The following PTPRN2 variants were observed in gnomAD, a reference collection of about 807,000 sequenced individuals.
PTPRN2 encodes receptor-type tyrosine-protein phosphatase N2.
In PTPRN2, 74 loss-of-function variants were observed where a neutral mutation model predicts 118.8. That is an observed-to-expected ratio of 0.62 (90% CI 0.52 to 0.76). The LOEUF is 0.76. PTPRN2 is among the 30% of genes least tolerant of loss of function. PTPRN2 has a pLI of 0.00. For synonymous variants in PTPRN2, 641 were observed against 608.0 expected (o/e 1.05, Z -0.80); for missense variants, 1,481 against 1,394.4 (o/e 1.06, Z -0.99).
chr7:157,956,727 A>C (rs1285050045), intron 11 of PTPRN2, among the ~76,000 whole-genome samples: 1 of 152,242 alleles, frequency 6.6e-6, no homozygotes, highest in Non-Finnish European at 1.5e-5. Context: ...CCCACAGAGG[A>C]ATCAAGTTTC....
chr7:157,796,099 A>G (rs1299335408), intron 12 of PTPRN2, among the ~76,000 whole-genome samples: 1 of 152,230 alleles, frequency 6.6e-6, no homozygotes, highest in African/African-American at 2.4e-5. Flanking sequence ...CTCCACATCA[A>G]TCAGAGGGAC....
At position 157,560,370 on chromosome 7, in the gene PTPRN2, T is replaced by A. The variant is rs1271175605; in HGVS notation, c.2902+8532A>T. ...GCCCACACGGATGCCCAGAGCGTGT[T>A]CCCCAAGACCAGCGGGTCTCATGCT... On this transcript the variant is annotated intron_variant, in intron 21 of 22. Coordinates refer to ENST00000389418, the MANE Select transcript of PTPRN2 (RefSeq NM_002847.5). This position sits in a 1 kb window ranked among gnomAD's most constrained non-coding sequence, Gnocchi z 6.7. 2.0e-5 allele frequency among the ~76,000 whole-genome samples: 3 copies of A among 151,952 alleles called. No homozygotes were observed. The highest frequency in any genetic ancestry group is 7.3e-5 in the African/African-American group (3 of 41,352).
At chr7:158,263,381 A>T (rs1439099462) in intron 3 of PTPRN2, among the ~76,000 whole-genome samples, 2 of 151,916 alleles carry the variant, frequency 1.3e-5, no homozygotes, top group African/African-American at 4.8e-5. Context: ...CACACTGTAC[A>T]CACACGTGCA....
chr7:157,897,572 G>A (rs964191434), intron 12 of PTPRN2, among the ~76,000 whole-genome samples: 15 of 152,144 alleles, frequency 9.9e-5, no homozygotes, highest in African/African-American at 3.6e-4. Flanking sequence ...TCCATCAGTC[G>A]CCGGCTGCTC....
At chr7:157,717,264 T>C (rs1489159438) in intron 12 of PTPRN2, among the ~76,000 whole-genome samples, 1 of 152,250 alleles carries the variant, frequency 6.6e-6, no homozygotes, top group East Asian at 1.9e-4. Context: ...CTGAACTCAG[T>C]GCATGGAGGC....
At chr7:158,059,260 C>T (rs1810094419) in intron 11 of PTPRN2, among the ~76,000 whole-genome samples, 1 of 138,708 alleles carries the variant, frequency 7.2e-6, no homozygotes, top group Non-Finnish European at 1.5e-5. Flanking sequence ...TGAGACACCA[C>T]TGCAGCCACA....
At chr7:158,102,287 T>C (rs542598652) in intron 10 of PTPRN2, among the ~76,000 whole-genome samples, 8 of 152,318 alleles carry the variant, frequency 5.3e-5, no homozygotes, top group African/African-American at 1.9e-4. Flanking sequence ...GAGGAAAATA[T>C]GGTAAACTCA....
At chr7:157,923,399 G>A (rs952183736) in intron 11 of PTPRN2, among the ~76,000 whole-genome samples, 4 of 152,180 alleles carry the variant, frequency 2.6e-5, no homozygotes, top group African/African-American at 7.2e-5. Flanking sequence ...CCTGAGCCTC[G>A]GGAAACGCCA....
At chr7:157,913,245 G>A (rs1798198250) in intron 11 of PTPRN2, among the ~76,000 whole-genome samples, 1 of 152,078 alleles carries the variant, frequency 6.6e-6, no homozygotes, top group African/African-American at 2.4e-5. Context: ...AAATACAGCT[G>A]ACTTTTGCAT....
rs547542614 is a variant in PTPRN2 at position 158,077,482 on chromosome 7, G to C, written c.1723+3816C>G. Among the ~76,000 whole-genome samples the C allele has an allele frequency of 3.4e-5, 5 of 148,750 alleles. No homozygotes were observed. In the East Asian group the frequency reaches 7.8e-4, roughly 23 times the overall value. On this transcript the variant is annotated intron_variant, in intron 11 of 22. Transcript: ENST00000389418. Reference sequence around the variant, plus strand: ...CAGGTGGAGGATGCTGAGGTCAAAGGGGGAAACTGCTCAGGACAGGAGCCC... The same window carrying C: ...CAGGTGGAGGATGCTGAGGTCAAAGCGGGAAACTGCTCAGGACAGGAGCCC...
chr7:157,766,206 T>TCCAC (rs757588810), intron 12 of PTPRN2, among the ~76,000 whole-genome samples: 8,395 of 144,984 alleles, frequency 0.058, 296 homozygotes, highest in Middle Eastern at 0.12. Flanking sequence ...CATCCATCCA[T>TCCAC]CCATCCACCC....
At chr7:158,246,982 G>A (rs143572228) in intron 3 of PTPRN2, among the ~76,000 whole-genome samples, 14 of 152,332 alleles carry the variant, frequency 9.2e-5, no homozygotes, top group East Asian at 1.9e-4. Context: ...CTCATAGAGC[G>A]CATGGAGCTT....
chr7:158,463,113 T>C (rs1819121304), intron 2 of PTPRN2, among the ~76,000 whole-genome samples: 1 of 126,696 alleles, frequency 7.9e-6, no homozygotes, highest in Non-Finnish European at 1.7e-5. Flanking sequence ...GTCAGTCTGG[T>C]ATAGGATCTG....
intron 12 of PTPRN2, among the ~76,000 whole-genome samples, chr7:157,701,997 A>G (rs1209752297): frequency 1.5e-5 from 2 of 134,552 alleles, no homozygotes; most frequent in African/African-American, 5.7e-5. Flanking sequence ...AGAGCCGGGT[A>G]GGTGCTGGTG....
Position 157,610,466 on chromosome 7 carries a change from TGTTCCGGGA to T in PTPRN2, c.2345-6400_2345-6392del. Among the ~76,000 whole-genome samples, 1 of 152,240 alleles carries T rather than the reference TGTTCCGGGA, an allele frequency of 6.6e-6. No homozygotes were observed. The highest frequency in any genetic ancestry group is 6.5e-5 in the Admixed American group (1 of 15,296). On this transcript the variant is annotated intron_variant, in intron 15 of 22. Coordinates refer to ENST00000389418, the MANE Select transcript of PTPRN2 (RefSeq NM_002847.5). This position sits in a 1 kb window ranked among gnomAD's most constrained non-coding sequence, Gnocchi z 5.1. ...GGAGTCCTGACTCCAGCAGAGAACA[TGTTCCGGGA>T]TGTGCTCCACAGTTGGCACCAGCAC...
At chr7:157,762,597 G>C (rs905948950) in intron 12 of PTPRN2, among the ~76,000 whole-genome samples, 2 of 123,764 alleles carry the variant, frequency 1.6e-5, no homozygotes, top group African/African-American at 6.1e-5. Context: ...ACTGTTGTGG[G>C]GTGGGGGGAG....
chr7:158,071,466 GTGGTGGTGGAGGTTCTCA>G (rs1811632674), intron 11 of PTPRN2, among the ~76,000 whole-genome samples: 1 of 122,898 alleles, frequency 8.1e-6, no homozygotes, highest in African/African-American at 3.4e-5. Context: ...TGAGGTGCTC[GTGGTGGTGGAGGTTCTCA>G]TGGTGCAGGT....
intron 2 of PTPRN2, among the ~76,000 whole-genome samples, chr7:158,454,253 A>G (rs1464220490): frequency 1.3e-5 from 2 of 151,844 alleles, no homozygotes; most frequent in Non-Finnish European, 2.9e-5. Flanking sequence ...AACGCACACA[A>G]TCACTGATGT....
chr7:157,615,633 G>A lies in PTPRN2; in HGVS notation c.2344+5729C>T, dbSNP rs544125511. 1.7e-5 allele frequency: 8 copies of A among 469,640 alleles called. No homozygotes were observed. Among genetic ancestry groups the A allele is most frequent in the East Asian group, 7.0e-5 (1 of 14,326 alleles). 29.1% of individuals were successfully genotyped at this position (469,640 alleles called of 1,614,324 possible). A position where few individuals can be genotyped will look rare whatever the true frequency, so the allele number is the denominator to read the frequency against. ...AGGATTGGCTCAGCACTGGTCCTGCGGAATGTGTTTTTATCAATGACTTGA... is the reference window on the plus strand; with the variant it reads ...AGGATTGGCTCAGCACTGGTCCTGCAGAATGTGTTTTTATCAATGACTTGA... On this transcript the variant is annotated intron_variant, in intron 15 of 22. Coordinates refer to ENST00000389418, the MANE Select transcript of PTPRN2 (RefSeq NM_002847.5). The surrounding 1 kb of genome is among the most constrained non-coding windows in gnomAD (Gnocchi z 4.3).
Sources: allele counts gnomAD v4.1 joint callset (sites outside exome capture counted in the v4.1 genomes callset), GRCh38; gene constraint gnomAD v4.1.1; non-coding constraint Gnocchi (gnomAD v3.1); transcripts MANE v1.5; gene names NCBI Gene and HGNC (gene_info 2026-07-23, HGNC 2026-07-21).